Variants in GRID2 observed in about 807,000 individuals in gnomAD.
GRID2 encodes the protein glutamate receptor ionotropic, delta-2.
A neutral mutation model predicts 114.8 loss-of-function variants in GRID2; 33 were observed. The observed-to-expected ratio is 0.29, with a 90% CI of 0.22 to 0.38. GRID2 has a LOEUF of 0.38. Ranked by LOEUF, GRID2 falls within the 10% of genes least tolerant of loss-of-function variation. The pLI, the probability that GRID2 is intolerant of heterozygous loss-of-function variation, is 1.00. For missense variants in GRID2, 1,184 were observed against 1,257.7 expected, an observed-to-expected ratio of 0.94 and a Z score of 0.89; for synonymous variants, 505 against 449.9, an observed-to-expected ratio of 1.12 and a Z score of -1.55.
intron 8 of GRID2, among the ~76,000 whole-genome samples, chr4:93,289,602 A>G (rs1415817918): frequency 6.6e-6 from 1 of 152,202 alleles, no homozygotes; most frequent in Non-Finnish European, 1.5e-5. Context: ...TGTTTCTATA[A>G]TGAAAACATA....
chr4:92,412,124 T>G (rs1731368692), intron 1 of GRID2, among the ~76,000 whole-genome samples: 1 of 152,078 alleles, frequency 6.6e-6, no homozygotes, highest in East Asian at 1.9e-4. Flanking sequence ...TGCCTGTGTG[T>G]GTGTGTGTGT....
At chr4:93,512,305 A>G (rs1235209455) in intron 12 of GRID2, among the ~76,000 whole-genome samples, 1 of 152,130 alleles carries the variant, frequency 6.6e-6, no homozygotes. Flanking sequence ...TGAATGACCT[A>G]CTATATTTCC....
intron 8 of GRID2, among the ~76,000 whole-genome samples, chr4:93,352,565 A>G (rs554434537): frequency 3.2e-4 from 48 of 152,202 alleles, no homozygotes; most frequent in African/African-American, 1.1e-3. Flanking sequence ...CAGTCTCACA[A>G]CTAGCAAGTG....
intron 4 of GRID2, among the ~76,000 whole-genome samples, chr4:93,168,060 G>C (rs988850627): frequency 3.3e-5 from 5 of 152,030 alleles, no homozygotes; most frequent in African/African-American, 1.2e-4. Context: ...GCGAGGTGTA[G>C]TGGTGCACTC....
intron 1 of GRID2, among the ~76,000 whole-genome samples, chr4:92,338,463 T>G (rs1727300906): frequency 6.6e-6 from 1 of 152,148 alleles, no homozygotes; most frequent in Admixed American, 6.5e-5. Context: ...TGAGAAATTA[T>G]GATAGTTTAA....
intron 2 of GRID2, among the ~76,000 whole-genome samples, chr4:92,714,494 G>A (rs909392894): frequency 6.6e-6 from 1 of 152,222 alleles, no homozygotes; most frequent in African/African-American, 2.4e-5. Flanking sequence ...GGGACTCTGT[G>A]TGGGGGCTTC....
chr4:92,668,899 G>A (rs12646162), intron 2 of GRID2, among the ~76,000 whole-genome samples: 9,248 of 151,802 alleles, frequency 0.061, 339 homozygotes, highest in East Asian at 0.16. Flanking sequence ...TAGACATGGT[G>A]GTGACCAAAA....
At chr4:93,466,696 T>G (rs1352205329) in intron 11 of GRID2, among the ~76,000 whole-genome samples, 3 of 152,184 alleles carry the variant, frequency 2.0e-5, no homozygotes, top group Non-Finnish European at 4.4e-5. Context: ...GGCCCTGTTT[T>G]AGCCAGTGCC....
chr4:92,607,272 G>A (rs1386747623), intron 2 of GRID2, among the ~76,000 whole-genome samples: 1 of 151,892 alleles, frequency 6.6e-6, no homozygotes, highest in East Asian at 1.9e-4. Context: ...AAATAAACAC[G>A]AATGTTAATG....
chr4:93,678,809 G>T (rs1018540764), intron 14 of GRID2, among the ~76,000 whole-genome samples: 1 of 151,090 alleles, frequency 6.6e-6, no homozygotes, highest in African/African-American at 2.5e-5. Flanking sequence ...ATCAGTACCA[G>T]CCGCTGCAAA....
intron 1 of GRID2, among the ~76,000 whole-genome samples, chr4:92,442,462 G>T (rs890271847): frequency 6.6e-6 from 1 of 152,076 alleles, no homozygotes; most frequent in Non-Finnish European, 1.5e-5. Context: ...AGGAACGCCT[G>T]GCCGCTGCGG....
intron 4 of GRID2, among the ~76,000 whole-genome samples, chr4:93,202,753 A>G (rs943157740): frequency 6.6e-6 from 1 of 152,122 alleles, no homozygotes; most frequent in African/African-American, 2.4e-5. Context: ...AGAGCTCAGA[A>G]ATTCTTTTTA....
chr4:93,250,797 AC>A (rs1748819167), intron 8 of GRID2, among the ~76,000 whole-genome samples: 1 of 149,762 alleles, frequency 6.7e-6, no homozygotes, highest in Non-Finnish European at 1.5e-5. Context: ...GTATATATAT[AC>A]ATAGAAAGAG....
chr4:93,105,400 G>A (rs528481478), intron 3 of GRID2, among the ~76,000 whole-genome samples: 5 of 152,252 alleles, frequency 3.3e-5, no homozygotes, highest in Admixed American at 6.5e-5. Flanking sequence ...TGTCCTGAAC[G>A]GTAATGCCTA....
chr4:93,790,232 C>T (rs1486388452), intron 1 of GRID2, among the ~76,000 whole-genome samples: 1 of 151,808 alleles, frequency 6.6e-6, no homozygotes, highest in Non-Finnish European at 1.5e-5. Flanking sequence ...TCCAAGCATT[C>T]TAACAGATGC....
chr4:93,676,900 T>A (rs1184508236), intron 14 of GRID2, among the ~76,000 whole-genome samples: 1 of 151,904 alleles, frequency 6.6e-6, no homozygotes, highest in Non-Finnish European at 1.5e-5. Flanking sequence ...CGGGTTCATC[T>A]CACTAGGGAG....
chr4:92,730,715 G>T (rs980149511), intron 2 of GRID2, among the ~76,000 whole-genome samples: 1 of 151,820 alleles, frequency 6.6e-6, no homozygotes, highest in East Asian at 1.9e-4. Flanking sequence ...AATGTTCCCC[G>T]ATTCTTTATT....
chr4:93,257,967 AAT>A (rs1296558354), intron 8 of GRID2, among the ~76,000 whole-genome samples: 156 of 131,488 alleles, frequency 1.2e-3, no homozygotes, highest in Admixed American at 6.1e-3. Context: ...ATATACACAC[AAT>A]ATGTGTGTGT....
chr4:93,710,164 C>T (rs1237734521), intron 14 of GRID2, among the ~76,000 whole-genome samples: 1 of 152,144 alleles, frequency 6.6e-6, no homozygotes, highest in Non-Finnish European at 1.5e-5. Flanking sequence ...CAGTTAGGTA[C>T]TTATTGTAGT....
Sources: allele counts gnomAD v4.1 joint callset (sites outside exome capture counted in the v4.1 genomes callset), GRCh38; gene constraint gnomAD v4.1.1; transcripts MANE v1.5; gene names NCBI Gene and HGNC (gene_info 2026-07-23, HGNC 2026-07-21).